NEK11: variants seen among roughly 807,000 people sequenced by gnomAD.
NEK11 encodes serine/threonine-protein kinase Nek11.
In NEK11, 72 loss-of-function variants were observed where a neutral mutation model predicts 80.7. The observed-to-expected ratio is 0.89, with a 90% CI of 0.74 to 1.08. The LOEUF (loss-of-function observed/expected upper bound fraction) is 1.08. Among genes scored for constraint, NEK11 ranks in the 50% least tolerant of loss-of-function variants. The probability of loss-of-function intolerance (pLI) is 0.00; values close to 1 mark genes in which losing one functional copy is unlikely to be tolerated. For missense variants in NEK11, 764 were observed against 763.6 expected (o/e 1.00, Z -0.01); for synonymous variants, 251 against 260.7 (o/e 0.96, Z 0.36).
intron 3 of NEK11, among the ~76,000 whole-genome samples, chr3:131,080,127 C>T (rs1302742705): frequency 6.6e-6 from 1 of 151,740 alleles, no homozygotes; most frequent in Non-Finnish European, 1.5e-5. Context: ...CCAAGAGACA[C>T]TGAAACATCT....
intron 17 of NEK11, among the ~76,000 whole-genome samples, chr3:131,322,471 A>T (rs1223449927): frequency 1.3e-5 from 2 of 152,216 alleles, no homozygotes; most frequent in African/African-American, 4.8e-5. Flanking sequence ...TTATATTTTT[A>T]AAAAGCTAGT....
chr3:131,184,834 C>A, intron 14 of NEK11: 1 of 464,888 alleles, frequency 2.2e-6, no homozygotes, highest in Non-Finnish European at 3.4e-6. Context: ...TTATGGATAC[C>A]CCTACATTTA....
chr3:131,155,198 A>G, intron 10 of NEK11, 77 bp downstream of exon 10: 2 of 877,772 alleles, frequency 2.3e-6, no homozygotes, highest in East Asian at 2.5e-5. Context: ...ATCTATTAGC[A>G]CTAAACTGAC....
chr3:131,128,814 A>G (rs981765005), intron 5 of NEK11, among the ~76,000 whole-genome samples: 1 of 152,150 alleles, frequency 6.6e-6, no homozygotes, highest in African/African-American at 2.4e-5. Context: ...CCTTGTGAGC[A>G]TTTGGTGTTG....
intron 17 of NEK11, among the ~76,000 whole-genome samples, chr3:131,278,924 G>A (rs1402866511): frequency 6.6e-6 from 1 of 151,976 alleles, no homozygotes; most frequent in Non-Finnish European, 1.5e-5. Context: ...ATCAGAATCT[G>A]AATTTTAAAC....
chr3:131,074,919 T>G (rs542279801), intron 3 of NEK11, among the ~76,000 whole-genome samples: 2 of 152,328 alleles, frequency 1.3e-5, no homozygotes, highest in African/African-American at 4.8e-5. Context: ...GCAGGAGTTT[T>G]GTCTTTTTCG....
At chr3:131,050,417 A>C (rs1459585981) in intron 3 of NEK11, among the ~76,000 whole-genome samples, 1 of 152,144 alleles carries the variant, frequency 6.6e-6, no homozygotes, top group Non-Finnish European at 1.5e-5. Context: ...TCATCTATTC[A>C]TGCTGTTTGT....
chr3:131,206,081 G>A (rs1467071700), intron 14 of NEK11, among the ~76,000 whole-genome samples: 3 of 152,146 alleles, frequency 2.0e-5, no homozygotes, highest in African/African-American at 7.2e-5. Context: ...ATAACACAGA[G>A]CACCCACATT....
At chr3:131,157,231 A>G (rs1448410865) in intron 10 of NEK11, among the ~76,000 whole-genome samples, 3 of 152,156 alleles carry the variant, frequency 2.0e-5, no homozygotes, top group Non-Finnish European at 4.4e-5. Context: ...AAATTTTGCT[A>G]TTGTATTCTT....
In NEK11 at chr3:131,122,597, C is replaced by G. The variant is rs536578908; in HGVS notation, c.456-10148C>G. ...ACAAAGGAGCCATTGGCTGTGCCAG[C>G]ACCTTTGGCAAGAAGAGTTTGTGAT... is the stretch of plus-strand genomic sequence containing the variant. On this transcript the variant is annotated intron_variant, in intron 5 of 17. Transcript: ENST00000383366. Among the ~76,000 whole-genome samples the G allele has an allele frequency of 1.5e-4, 23 of 152,338 alleles. No individual in the cohort carries two copies. In the South Asian group the frequency reaches 1.7e-3, roughly 11 times the overall value.
chr3:131,198,857 T>C (rs908592780), intron 14 of NEK11, among the ~76,000 whole-genome samples: 11 of 152,216 alleles, frequency 7.2e-5, no homozygotes, highest in Non-Finnish European at 1.5e-4. Flanking sequence ...TGAGTTTCCT[T>C]AATTATATAA....
At chr3:131,216,753 A>G (rs1187729508) in intron 14 of NEK11, among the ~76,000 whole-genome samples, 1 of 152,234 alleles carries the variant, frequency 6.6e-6, no homozygotes, top group Non-Finnish European at 1.5e-5. Flanking sequence ...GGGGCTGTCC[A>G]TATTCTTCTC....
At chr3:131,153,930 A>G (rs975441458) in intron 9 of NEK11, among the ~76,000 whole-genome samples, 1 of 152,226 alleles carries the variant, frequency 6.6e-6, no homozygotes, top group African/African-American at 2.4e-5. Flanking sequence ...AATAGGTGAC[A>G]TTTCTTTACC....
intron 5 of NEK11, among the ~76,000 whole-genome samples, chr3:131,115,940 T>TTCTTTCTTTC (rs2081035679): frequency 1.6e-5 from 2 of 121,288 alleles, no homozygotes; most frequent in Non-Finnish European, 1.8e-5. Flanking sequence ...CTTTCTTTCT[T>TTCTTTCTTTC]TCTTTCTTTC....
At chr3:131,161,534 A>G (rs1461889071) in intron 10 of NEK11, among the ~76,000 whole-genome samples, 1 of 152,188 alleles carries the variant, frequency 6.6e-6, no homozygotes, top group Admixed American at 6.5e-5. Flanking sequence ...CTTTGCAGCA[A>G]CATAGACAGA....
chr3:131,062,350 CT>C (rs1335082163), intron 3 of NEK11, among the ~76,000 whole-genome samples: 1 of 152,204 alleles, frequency 6.6e-6, no homozygotes, highest in Non-Finnish European at 1.5e-5. Context: ...AGGTTAAAGG[CT>C]AAAAATGCCT....
At chr3:131,223,048 C>G (rs535975407) in intron 14 of NEK11, among the ~76,000 whole-genome samples, 1 of 152,154 alleles carries the variant, frequency 6.6e-6, no homozygotes, top group African/African-American at 2.4e-5. Context: ...GCCTGGCATA[C>G]AGAAGATCTG....
At chr3:131,189,896 T>C (rs1264623111) in intron 14 of NEK11, among the ~76,000 whole-genome samples, 1 of 152,196 alleles carries the variant, frequency 6.6e-6, no homozygotes, top group East Asian at 1.9e-4. Flanking sequence ...ATTATTTTAC[T>C]ACTATTTTAC....
intron 17 of NEK11, chr3:131,325,445 G>A (rs184072619): frequency 1.3e-5 from 2 of 152,108 alleles, no homozygotes; most frequent in East Asian, 3.9e-4. Context: ...CCCTCTGCGG[G>A]TGGGAAGGGA....
Sources: allele counts gnomAD v4.1 joint callset (sites outside exome capture counted in the v4.1 genomes callset), GRCh38; gene constraint gnomAD v4.1.1; transcripts MANE v1.5; gene names NCBI Gene and HGNC (gene_info 2026-07-23, HGNC 2026-07-21).